Variants in EPAS1 observed in about 807,000 individuals in gnomAD.
EPAS1 encodes the protein endothelial PAS domain-containing protein 1.
A neutral mutation model predicts 87.9 loss-of-function variants in EPAS1; 23 were observed. The ratio of observed to expected loss-of-function variants is 0.26; its 90% CI spans 0.19 to 0.37. EPAS1 has a LOEUF of 0.37. EPAS1 is among the 10% of genes least tolerant of loss of function. The pLI, the probability that EPAS1 is intolerant of heterozygous loss-of-function variation, is 1.00. For synonymous variants in EPAS1, 508 were observed against 444.3 expected (o/e 1.14, Z -1.80); for missense variants, 1,138 against 1,120.7 (o/e 1.02, Z -0.22).
rs145599677 is a variant in EPAS1 at position 46,300,498 on chromosome 2, G to A, written c.26+2561G>A. On this transcript the variant is annotated intron_variant, in intron 1 of 15. Transcript: ENST00000263734. The surrounding 1 kb of genome is among the most constrained non-coding windows in gnomAD (Gnocchi z 4.1). ...AGAGTTTGCTTTCTAAATGTTAGTT[G>A]GCTGGGTGTCCTTGATAGTACCAGT... Among the ~76,000 whole-genome samples the A allele has an allele frequency of 9.9e-4, 151 of 152,274 alleles. 1 individual carries two copies. The highest frequency in any genetic ancestry group is 3.4e-3 in the Middle Eastern group (1 of 294).
chr2:46,377,498 A>G (rs184473246), intron 9 of EPAS1, among the ~76,000 whole-genome samples: 3 of 152,350 alleles, frequency 2.0e-5, no homozygotes, highest in Non-Finnish European at 4.4e-5. Flanking sequence ...AGAGAATCTG[A>G]AACGCAGCGG....
At position 46,360,716 on chromosome 2, in the gene EPAS1, A is replaced by G. The variant is rs1232746100; in HGVS notation, c.533A>G (p.Asn178Ser). 1 of 1,614,012 alleles carries G rather than the reference A, an allele frequency of 6.2e-7. No homozygotes were observed. The highest frequency in any genetic ancestry group is 2.2e-5 in the East Asian group (1 of 44,878). Residue 178 changes from asparagine (N) to serine (S), a missense_variant, in exon 5 of 16, where the codon AAC (asparagine) becomes AGC (serine). Asn to Ser is a conservative substitution (Grantham distance 46, BLOSUM62 1). This residue lies in a region of EPAS1 where 351 missense variants were observed against 417.1 expected (regional missense o/e 0.84). Coordinates refer to ENST00000263734, the MANE Select transcript of EPAS1 (RefSeq NM_001430.5). The surrounding 1 kb of genome is among the most constrained non-coding windows in gnomAD (Gnocchi z 4.5). The stretch of plus-strand genomic sequence containing the variant: ...ATGAGGATGAAGTGCACGGTCACCA[A>G]CAGAGGCCGTACTGTCAACCTCAAG... Reference protein sequence around the residue: ...FFMRMKCTVTNRGRTVNLKSA... With the variant: ...FFMRMKCTVTSRGRTVNLKSA...
chr2:46,324,097 C>A (rs781361152), intron 1 of EPAS1, among the ~76,000 whole-genome samples: 1 of 152,208 alleles, frequency 6.6e-6, no homozygotes, highest in South Asian at 2.1e-4. Context: ...GACGGAGTCT[C>A]GTTCTGTAGC....
In EPAS1 at chr2:46,369,823, T is replaced by C. The variant is rs1336602321; in HGVS notation, c.780-4T>C. 1.2e-6 allele frequency: 2 copies of C among 1,610,494 alleles called. No individual in the cohort carries two copies. Among genetic ancestry groups the C allele is most frequent in the Non-Finnish European group, 1.7e-6 (2 of 1,177,902 alleles). ...CCTTACATGCTGCCTTTTTAAAAAC[T>C]CAGAATCACAGAACTGATTGGTTAC... On this transcript the variant is annotated splice_polypyrimidine_tract_variant and splice_region_variant and intron_variant, in intron 6 of 15. Transcript: ENST00000263734.
At chr2:46,325,210 G>A (rs1683528538) in intron 1 of EPAS1, among the ~76,000 whole-genome samples, 1 of 152,216 alleles carries the variant, frequency 6.6e-6, no homozygotes, top group South Asian at 2.1e-4. Context: ...CTAGGTTAGA[G>A]TCTTAGATAA....
rs1684758482 is a variant in EPAS1 at position 46,376,744 on chromosome 2, C to T, written c.1240C>T (p.Leu414=). 1 of 1,612,302 alleles carries T rather than the reference C, an allele frequency of 6.2e-7. No individual in the cohort carries two copies. Among genetic ancestry groups the T allele is most frequent in the East Asian group, 2.2e-5 (1 of 44,880 alleles). ...CACCCCAGGAGACGCCATCATCTCT[C>T]TGGATTTCGGTGGGTGCTTCTTAGC... is the stretch of plus-strand genomic sequence containing the variant. The part of the protein sequence containing the change: ...APTPGDAIIS[L]DFGNQNFEES... The change falls in exon 9 of 16, where the codon CTG becomes TTG. Residue 414 remains leucine (L), a synonymous_variant. Transcript: ENST00000263734.
intron 1 of EPAS1, among the ~76,000 whole-genome samples, chr2:46,321,887 T>C (rs1477969983): frequency 6.6e-6 from 1 of 152,198 alleles, no homozygotes; most frequent in Non-Finnish European, 1.5e-5. Context: ...TCAGTAGACC[T>C]ATTTTCAGTT....
At chr2:46,370,541 G>C (rs1572643515) in intron 7 of EPAS1, among the ~76,000 whole-genome samples, 1 of 152,302 alleles carries the variant, frequency 6.6e-6, no homozygotes, top group East Asian at 1.9e-4. Flanking sequence ...AGGCAACCCA[G>C]GGATGGCGTA....
chr2:46,384,925 G>T lies in EPAS1; in HGVS notation c.*265G>T. 2.0e-6 allele frequency: 1 copy of T among 502,284 alleles called. No homozygotes were observed. Among genetic ancestry groups the T allele is most frequent in the Non-Finnish European group, 3.6e-6 (1 of 276,120 alleles). The allele number at this position is 502,284 out of a possible 1,614,324, so 31.1% of individuals were successfully genotyped here. A position where few individuals can be genotyped will look rare whatever the true frequency, so the allele number is the denominator to read the frequency against. Reference sequence around the variant, plus strand: ...GATTTTTTTCCTCCCCACCTTCAATGACTTCTAATTTATATTATCCATAGG... The same window carrying T: ...GATTTTTTTCCTCCCCACCTTCAATTACTTCTAATTTATATTATCCATAGG... On this transcript the variant is annotated 3_prime_UTR_variant, in exon 16 of 16. Coordinates refer to ENST00000263734, the MANE Select transcript of EPAS1 (RefSeq NM_001430.5).
intron 4 of EPAS1, among the ~76,000 whole-genome samples, chr2:46,358,791 G>A (rs867182333): frequency 6.6e-6 from 1 of 152,188 alleles, no homozygotes; most frequent in Non-Finnish European, 1.5e-5. Flanking sequence ...GGGTGGACTC[G>A]TGATCTAGAC....
intron 1 of EPAS1, among the ~76,000 whole-genome samples, chr2:46,303,654 C>A (rs1428167014): frequency 6.6e-6 from 1 of 152,158 alleles, no homozygotes; most frequent in Non-Finnish European, 1.5e-5. Context: ...GCGTGTAAAT[C>A]TCTGAAAATG....
At chr2:46,299,697 C>A (rs1193854967) in intron 1 of EPAS1, among the ~76,000 whole-genome samples, 1 of 152,206 alleles carries the variant, frequency 6.6e-6, no homozygotes, top group Non-Finnish European at 1.5e-5. Context: ...AGTGTCAGCT[C>A]CTCCTGCGCT....
intron 4 of EPAS1, among the ~76,000 whole-genome samples, chr2:46,359,289 T>C (rs1000247071): frequency 1.3e-4 from 11 of 85,378 alleles, no homozygotes; most frequent in African/African-American, 5.2e-4. Flanking sequence ...AAAGATCAAA[T>C]GTCAGCATGG....
Position 46,376,692 on chromosome 2 carries a change from G to A in EPAS1, c.1188G>A (p.Glu396=), listed in dbSNP as rs1301384759. ...SNFLFTKLKE[E]PEELAQLAPT... is the part of the protein sequence containing the mutation. ...TCCTATTCACCAAGCTAAAGGAGGA[G>A]CCCGAGGAGCTGGCCCAGCTGGCTC... The change falls in exon 9 of 16, where the codon GAG becomes GAA. Residue 396 remains glutamate, a synonymous_variant. Coordinates refer to ENST00000263734, the MANE Select transcript of EPAS1 (RefSeq NM_001430.5). The A allele has an allele frequency of 1.9e-6, 3 of 1,613,766 alleles. No individual in the cohort carries two copies. The East Asian group carries it at 6.7e-5, about 36-fold the overall frequency.
intron 1 of EPAS1, among the ~76,000 whole-genome samples, chr2:46,318,035 T>G (rs967135677): frequency 1.3e-5 from 2 of 152,216 alleles, no homozygotes; most frequent in South Asian, 4.1e-4. Context: ...GCTTAATCAT[T>G]CCTTAACTTT....
At chr2:46,369,293 C>T (rs1684572686) in intron 6 of EPAS1, among the ~76,000 whole-genome samples, 2 of 152,170 alleles carry the variant, frequency 1.3e-5, no homozygotes, top group African/African-American at 2.4e-5. Context: ...CTCCCTCTCA[C>T]GTGCTGGTTG....
At chr2:46,370,479 G>T (rs1050670696) in intron 7 of EPAS1, among the ~76,000 whole-genome samples, 3 of 152,190 alleles carry the variant, frequency 2.0e-5, no homozygotes, top group African/African-American at 7.2e-5. Context: ...GTAGGCCACA[G>T]TTCTCAGAGA....
At chr2:46,326,759 G>T (rs909242309) in intron 1 of EPAS1, among the ~76,000 whole-genome samples, 1 of 152,146 alleles carries the variant, frequency 6.6e-6, no homozygotes, top group Non-Finnish European at 1.5e-5. Context: ...CCAGGAAGGG[G>T]TAAGACGAGC....
At position 46,324,696 on chromosome 2, in the gene EPAS1, C is replaced by G. The variant is rs373417600; in HGVS notation, c.27-22177C>G. Among the ~76,000 whole-genome samples the G allele has an allele frequency of 2.8e-4, 42 of 152,310 alleles. No individual in the cohort carries two copies. The East Asian group carries it at 4.4e-3, about 16-fold the overall frequency. On this transcript the variant is annotated intron_variant, in intron 1 of 15. Transcript: ENST00000263734. ...CCCTAGATGCCAAACTTTTTCCGTA[C>G]AAGTTTTCAAGGCACATTATTAAAA...
Sources: gnomAD v4.1 joint callset for allele counts (sites outside exome capture counted in the v4.1 genomes callset) on GRCh38, gnomAD v4.1.1 for gene constraint, gnomAD v4.1.1 regional missense constraint, Gnocchi (gnomAD v3.1) non-coding constraint, MANE v1.5 for transcripts, NCBI Gene and HGNC (gene_info 2026-07-23, HGNC 2026-07-21) for gene names.